Variants in TMPRSS15 observed in about 807,000 individuals in gnomAD.
TMPRSS15 encodes the protein transmembrane serine protease 15.
TMPRSS15 carries 128 observed loss-of-function variants against 125.3 expected under a neutral mutation model. That is an observed-to-expected ratio of 1.02 (90% confidence interval 0.89 to 1.18). The LOEUF (loss-of-function observed/expected upper bound fraction) is 1.18, where lower values mean the gene tolerates loss of function less well. TMPRSS15 is among the 50% of genes most tolerant of loss of function. TMPRSS15 has a pLI of 0.00. For synonymous variants in TMPRSS15, 446 were observed against 423.2 expected, an observed-to-expected ratio of 1.05 and a Z score of -0.66; for missense variants, 1,283 against 1,212.7, an observed-to-expected ratio of 1.06 and a Z score of -0.86.
chr21:18,360,774 T>C (rs2075672755), intron 7 of TMPRSS15, among the ~76,000 whole-genome samples: 1 of 152,156 alleles, frequency 6.6e-6, no homozygotes, highest in Non-Finnish European at 1.5e-5. Context: ...TTTGTTGTGA[T>C]TCCATATACA....
chr21:18,397,636 A>C (rs1244663877), intron 3 of TMPRSS15, among the ~76,000 whole-genome samples: 1 of 152,132 alleles, frequency 6.6e-6, no homozygotes, highest in Non-Finnish European at 1.5e-5. Flanking sequence ...TACCCTCTCC[A>C]TGTGTCTCTG....
intron 19 of TMPRSS15, among the ~76,000 whole-genome samples, chr21:18,296,030 G>A (rs754582757): frequency 6.6e-6 from 1 of 152,146 alleles, no homozygotes; most frequent in Non-Finnish European, 1.5e-5. Context: ...GCGGGCACCT[G>A]TAGCCCCAGC....
At chr21:18,434,883 T>C (rs908544817) in intron 1 of TMPRSS15, among the ~76,000 whole-genome samples, 2 of 152,132 alleles carry the variant, frequency 1.3e-5, no homozygotes, top group African/African-American at 4.8e-5. Context: ...ATAATTTGAT[T>C]GGACAAATTG....
chr21:18,317,989 GT>G (rs2075191287), intron 16 of TMPRSS15, among the ~76,000 whole-genome samples: 1 of 151,832 alleles, frequency 6.6e-6, no homozygotes, highest in African/African-American at 2.4e-5. Flanking sequence ...CACTACCCTG[GT>G]TTTTGATAAA....
chr21:18,440,791 G>T (rs905147385), intron 1 of TMPRSS15, among the ~76,000 whole-genome samples: 1 of 152,062 alleles, frequency 6.6e-6, no homozygotes, highest in Admixed American at 6.6e-5. Context: ...GACATTCATT[G>T]TAGTATCTTT....
At chr21:18,455,439 A>G (rs1978423039) in intron 1 of TMPRSS15, among the ~76,000 whole-genome samples, 1 of 152,180 alleles carries the variant, frequency 6.6e-6, no homozygotes, top group Non-Finnish European at 1.5e-5. Context: ...CATCAACATT[A>G]GAGTTACATG....
chr21:18,314,324 G>C (rs1296903178), intron 17 of TMPRSS15, among the ~76,000 whole-genome samples: 3 of 152,076 alleles, frequency 2.0e-5, no homozygotes, highest in Non-Finnish European at 4.4e-5. Flanking sequence ...TGTAACAAAG[G>C]CTGGAGTGCA....
At chr21:18,413,940 AT>A (rs1360722602) in intron 1 of TMPRSS15, among the ~76,000 whole-genome samples, 19 of 152,174 alleles carry the variant, frequency 1.2e-4, no homozygotes, top group Non-Finnish European at 2.4e-4. Flanking sequence ...ACTTAAAAAA[AT>A]AATTAAAATA....
intron 8 of TMPRSS15, among the ~76,000 whole-genome samples, chr21:18,355,229 C>CT (rs879317558): frequency 6.6e-6 from 1 of 151,816 alleles, no homozygotes; most frequent in African/African-American, 2.4e-5. Context: ...CTATCTGCCT[C>CT]TTTTTTCCTT....
intron 1 of TMPRSS15, among the ~76,000 whole-genome samples, chr21:18,466,542 T>C (rs1461964438): frequency 6.6e-6 from 1 of 151,888 alleles, no homozygotes; most frequent in Non-Finnish European, 1.5e-5. Flanking sequence ...ATCTAGAATC[T>C]ACAAGGAACT....
At chr21:18,290,857 T>C (rs1213954967) in intron 21 of TMPRSS15, among the ~76,000 whole-genome samples, 2 of 152,092 alleles carry the variant, frequency 1.3e-5, no homozygotes, top group Non-Finnish European at 2.9e-5. Flanking sequence ...TCTCCTGACT[T>C]AGAAAGAGAT....
chr21:18,406,366 G>A (rs2076151960), upstream of TMPRSS15, among the ~76,000 whole-genome samples: 1 of 152,160 alleles, frequency 6.6e-6, no homozygotes. Context: ...AACATCCAGG[G>A]AAGCTGACTT....
chr21:18,323,392 A>G (rs1397433502), intron 16 of TMPRSS15, among the ~76,000 whole-genome samples: 1 of 152,162 alleles, frequency 6.6e-6, no homozygotes, highest in Non-Finnish European at 1.5e-5. Context: ...AAGAGAGAGC[A>G]TGTGCAGGGA....
At chr21:18,365,706 C>CCTTCCTCCCT (rs2075728837) in intron 6 of TMPRSS15, among the ~76,000 whole-genome samples, 1 of 135,162 alleles carries the variant, frequency 7.4e-6, no homozygotes, top group Non-Finnish European at 1.6e-5. Context: ...TTCCTACCTT[C>CCTTCCTCCCT]TCTCTCTCTC....
intron 6 of TMPRSS15, 55 bp downstream of exon 6, chr21:18,372,138 G>GTGTC: frequency 1.4e-6 from 2 of 1,470,914 alleles, no homozygotes; most frequent in Non-Finnish European, 1.9e-6. Context: ...GTGTGTGTGT[G>GTGTC]TCTACAGTGA....
intron 1 of TMPRSS15, among the ~76,000 whole-genome samples, chr21:18,433,663 CAAAAAAAAA>C: frequency 1.6e-5 from 1 of 62,408 alleles, no homozygotes; most frequent in East Asian, 5.1e-4. Flanking sequence ...GACCTTGTCT[CAAAAAAAAA>C]AAAAAAAAAA....
At chr21:18,276,168 A>G (rs866363246) in intron 23 of TMPRSS15, among the ~76,000 whole-genome samples, 2 of 152,226 alleles carry the variant, frequency 1.3e-5, no homozygotes, top group East Asian at 3.9e-4. Flanking sequence ...TTCATGCACT[A>G]AAAAGATGAA....
At chr21:18,336,110 A>G (rs2075390261) in intron 13 of TMPRSS15, among the ~76,000 whole-genome samples, 1 of 152,082 alleles carries the variant, frequency 6.6e-6, no homozygotes, top group South Asian at 2.1e-4. Flanking sequence ...TTTTTACTCC[A>G]TGCTTAAGCT....
chr21:18,444,128 C>G (rs1048746405), intron 1 of TMPRSS15, among the ~76,000 whole-genome samples: 3 of 152,154 alleles, frequency 2.0e-5, no homozygotes, highest in Non-Finnish European at 2.9e-5. Flanking sequence ...GGGCTTCCAG[C>G]CTCGTAGTCC....
Sources: gnomAD v4.1 joint callset for allele counts (sites outside exome capture counted in the v4.1 genomes callset) on GRCh38, gnomAD v4.1.1 for gene constraint, MANE v1.5 for transcripts, NCBI Gene and HGNC (gene_info 2026-07-23, HGNC 2026-07-21) for gene names.